The following NBEAL1 variants were observed in gnomAD, a reference collection of about 807,000 sequenced individuals.
NBEAL1 encodes neurobeachin-like protein 1.
NBEAL1 carries 273 observed loss-of-function variants against 351.3 expected under a neutral mutation model. The ratio of observed to expected loss-of-function variants is 0.78; its 90% CI spans 0.70 to 0.86. The LOEUF (loss-of-function observed/expected upper bound fraction) is 0.86, where lower values mean the gene tolerates loss of function less well. NBEAL1 is among the 40% of genes least tolerant of loss of function. NBEAL1 has a pLI of 0.00. For missense variants in NBEAL1, 2,961 were observed against 3,201.3 expected, an observed-to-expected ratio of 0.92 and a Z score of 1.81; for synonymous variants, 1,050 against 1,086.4, an observed-to-expected ratio of 0.97 and a Z score of 0.66.
intron 3 of NBEAL1, among the ~76,000 whole-genome samples, chr2:203,043,668 G>A (rs2106051777): frequency 6.6e-6 from 1 of 151,216 alleles, no homozygotes; most frequent in Middle Eastern, 3.4e-3. Flanking sequence ...AGTTGAGGCT[G>A]TAGTGTGCTG....
At position 203,202,685 on chromosome 2, in the gene NBEAL1, A is replaced by G. The variant is rs200336521; in HGVS notation, c.7412-2A>G. The G allele has an allele frequency of 3.0e-4, 462 of 1,543,130 alleles. No individual in the cohort carries two copies. Among genetic ancestry groups the G allele is most frequent in the Non-Finnish European group, 1.0e-4 (113 of 1,117,142 alleles). On this transcript the variant is annotated splice_acceptor_variant, in intron 50 of 55. Transcript: ENST00000683969. LOFTEE classifies it high-confidence loss of function. The stretch of plus-strand genomic sequence containing the variant: ...CATTTTATTTAATTCCTTTTCTTAC[A>G]GATATTGTGACTTGCTTAGCTACAG...
At chr2:203,110,358 C>A in intron 15 of NBEAL1, 76 bp downstream of exon 15, 2 of 1,459,324 alleles carry the variant, frequency 1.4e-6, no homozygotes, top group Non-Finnish European at 1.8e-6. Flanking sequence ...AATTCAACAG[C>A]AGTCATTTTT....
intron 42 of NBEAL1, among the ~76,000 whole-genome samples, chr2:203,179,534 A>G (rs969146333): frequency 1.3e-5 from 2 of 152,146 alleles, no homozygotes; most frequent in African/African-American, 4.8e-5. Flanking sequence ...TAATATTAAA[A>G]TAAGACAATA....
chr2:203,110,674 A>AAAGTAAATAAATAAAT (rs1553610986), intron 15 of NBEAL1, among the ~76,000 whole-genome samples: 3 of 130,880 alleles, frequency 2.3e-5, no homozygotes, highest in African/African-American at 8.6e-5. Flanking sequence ...ATCCTGTCTC[A>AAAGTAAATAAATAAAT]AAATAAATAA....
At chr2:203,209,797 C>T (rs149785448) in intron 53 of NBEAL1, among the ~76,000 whole-genome samples, 86 of 150,936 alleles carry the variant, frequency 5.7e-4, no homozygotes, top group Admixed American at 1.9e-3. Flanking sequence ...AGTGCAGTGG[C>T]GCAATCAGTG....
Position 203,157,804 on chromosome 2 carries a change from A to T in NBEAL1, c.5693A>T (p.Asp1898Val). The T allele has an allele frequency of 6.4e-7, 1 of 1,573,032 alleles. No individual in the cohort carries two copies. The highest frequency in any genetic ancestry group is 8.6e-7 in the Non-Finnish European group (1 of 1,162,466). The stretch of plus-strand genomic sequence containing the variant: ...GATAAATTAGACCTTCCTGAAGAGG[A>T]TATAACAGCTAGAGTAAATGTGTAT... ...VEDKLDLPEEDITARVNVDEK... is the reference protein window; with the variant it reads ...VEDKLDLPEEVITARVNVDEK... The change falls in exon 36 of 56, where the codon GAT (aspartate) becomes GTT (valine). Residue 1898 changes from aspartate to valine, a missense_variant. Asp to Val is a radical substitution (Grantham distance 152). Coordinates refer to ENST00000683969, the MANE Select transcript of NBEAL1 (RefSeq NM_001378026.1).
intron 12 of NBEAL1, among the ~76,000 whole-genome samples, chr2:203,103,511 A>G (rs1341064842): frequency 3.3e-5 from 5 of 152,054 alleles, no homozygotes; most frequent in Non-Finnish European, 7.4e-5. Flanking sequence ...ATCTCAAGTG[A>G]TCTGCCTGCC....
At chr2:203,047,473 C>T (rs2061247796) in intron 3 of NBEAL1, among the ~76,000 whole-genome samples, 1 of 152,118 alleles carries the variant, frequency 6.6e-6, no homozygotes, top group Non-Finnish European at 1.5e-5. Flanking sequence ...TTGGCCCCTT[C>T]AGTTGTGTTT....
chr2:203,060,512 C>T (rs1051215487), intron 6 of NBEAL1, among the ~76,000 whole-genome samples: 3 of 152,076 alleles, frequency 2.0e-5, no homozygotes, highest in Admixed American at 6.6e-5. Context: ...AAATTACCTC[C>T]GTATAGGAAT....
intron 46 of NBEAL1, among the ~76,000 whole-genome samples, chr2:203,191,833 G>C (rs1387102440): frequency 6.6e-6 from 1 of 152,140 alleles, no homozygotes; most frequent in African/African-American, 2.4e-5. Flanking sequence ...CGTTAAACTA[G>C]ATCTCTTAAC....
At position 203,126,875 on chromosome 2, in the gene NBEAL1, G is replaced by A. The variant is rs1017050139; in HGVS notation, c.3197G>A (p.Arg1066Gln). The part of the protein sequence containing the change: ...TIIKDSRRVF[R>Q]KKYGVQFLLD... ...ATTAAAGACAGCAGGAGAGTTTTCCGAAAGAAGTATGGTGTGCAGTTTCTC... is the reference window on the plus strand; with the variant it reads ...ATTAAAGACAGCAGGAGAGTTTTCCAAAAGAAGTATGGTGTGCAGTTTCTC... Residue 1066 changes from arginine to glutamine, a missense_variant, in exon 23 of 56, where the codon CGA becomes CAA. By Grantham distance (43) the Arg-to-Gln change is conservative. Coordinates refer to ENST00000683969, the MANE Select transcript of NBEAL1 (RefSeq NM_001378026.1). 16 of 1,552,702 alleles carry A rather than the reference G, an allele frequency of 1.0e-5. No individual in the cohort carries two copies. Among genetic ancestry groups the A allele is most frequent in the East Asian group, 2.4e-5 (1 of 41,498 alleles).
intron 42 of NBEAL1, among the ~76,000 whole-genome samples, chr2:203,179,661 C>T (rs908055921): frequency 2.0e-5 from 3 of 152,120 alleles, no homozygotes; most frequent in East Asian, 1.9e-4. Context: ...AAATCAGCAG[C>T]GTTCCTATAG....
Position 203,223,053 on chromosome 2 carries a change from C to G in NBEAL1, c.*5699C>G, listed in dbSNP as rs551506623. Reference sequence around the variant, plus strand: ...TTAATAGTGGCTGTATTATCAGATACTTATTTGATTATAGTAATTCATCAG... The same window carrying G: ...TTAATAGTGGCTGTATTATCAGATAGTTATTTGATTATAGTAATTCATCAG... On this transcript the variant is annotated 3_prime_UTR_variant, in exon 56 of 56. Coordinates refer to ENST00000683969, the MANE Select transcript of NBEAL1 (RefSeq NM_001378026.1). Among the ~76,000 whole-genome samples the G allele has an allele frequency of 2.0e-5, 3 of 152,078 alleles. No homozygotes were observed. The highest frequency in any genetic ancestry group is 7.2e-5 in the African/African-American group (3 of 41,426).
chr2:203,047,553 C>G (rs904619772), intron 3 of NBEAL1, among the ~76,000 whole-genome samples: 6 of 152,062 alleles, frequency 3.9e-5, no homozygotes, highest in African/African-American at 1.5e-4. Flanking sequence ...CAGGATATTT[C>G]CTATCTCTCA....
intron 38 of NBEAL1, among the ~76,000 whole-genome samples, chr2:203,168,850 C>T (rs1324866073): frequency 4.9e-5 from 7 of 142,772 alleles, no homozygotes; most frequent in East Asian, 2.1e-4. Flanking sequence ...GCCGAGATCA[C>T]GCCAGTGCAC....
chr2:203,015,331 G>T (rs2060659644), intron 1 of NBEAL1, among the ~76,000 whole-genome samples: 1 of 152,184 alleles, frequency 6.6e-6, no homozygotes, highest in South Asian at 2.1e-4. Flanking sequence ...ACTTCTCTTG[G>T]ATGGAAAGGT....
chr2:203,207,033 C>G (rs1461548534), intron 51 of NBEAL1, among the ~76,000 whole-genome samples: 1 of 151,936 alleles, frequency 6.6e-6, no homozygotes, highest in African/African-American at 2.4e-5. Flanking sequence ...TGTCCGGCCG[C>G]CCATCATCTG....
intron 31 of NBEAL1, 23 bp from the exon 32 acceptor site, chr2:203,144,577 T>G (rs751569918): frequency 1.3e-6 from 2 of 1,581,546 alleles, no homozygotes; most frequent in South Asian, 2.3e-5. Flanking sequence ...CTGCTCTTTC[T>G]CATCTAAACT....
At chr2:203,070,960 C>T (rs536023447) in intron 7 of NBEAL1, among the ~76,000 whole-genome samples, 2 of 152,284 alleles carry the variant, frequency 1.3e-5, no homozygotes, top group South Asian at 4.1e-4. Flanking sequence ...TAAGGTCTTG[C>T]TGTGTTGCCT....
Sources: allele counts gnomAD v4.1 joint callset (sites outside exome capture counted in the v4.1 genomes callset), GRCh38; gene constraint gnomAD v4.1.1; transcripts MANE v1.5; gene names NCBI Gene and HGNC (gene_info 2026-07-23, HGNC 2026-07-21).